Variants in ABCG2 observed in about 807,000 individuals in gnomAD.
The protein encoded by ABCG2 is ATP binding cassette subfamily G member 2 (JR blood group), also known as broad substrate specificity ATP-binding cassette transporter ABCG2.
Under a neutral mutation model 73.5 loss-of-function variants are expected in ABCG2, and 80 were observed. The observed-to-expected ratio is 1.09, with a 90% CI of 0.91 to 1.31. ABCG2 has a LOEUF of 1.31. ABCG2 is among the 50% of genes most tolerant of loss of function. The pLI is 0.00. For synonymous variants in ABCG2, 269 were observed against 282.4 expected (o/e 0.95, Z 0.48); for missense variants, 796 against 786.2 (o/e 1.01, Z -0.15).
intron 1 of ABCG2, among the ~76,000 whole-genome samples, chr4:88,156,246 G>A (rs1578240891): frequency 6.6e-6 from 1 of 151,604 alleles, no homozygotes; most frequent in East Asian, 1.9e-4. Context: ...GTGGTGCTAC[G>A]TACCTGTAAT....
chr4:88,103,416 G>A (rs1487048175), intron 10 of ABCG2, among the ~76,000 whole-genome samples: 1 of 151,922 alleles, frequency 6.6e-6, no homozygotes, highest in Non-Finnish European at 1.5e-5. Context: ...TCTACTTATT[G>A]GTCTGAATAT....
At chr4:88,176,457 T>C (rs1192832994) in intron 1 of ABCG2, among the ~76,000 whole-genome samples, 1 of 149,914 alleles carries the variant, frequency 6.7e-6, no homozygotes, top group Non-Finnish European at 1.5e-5. Flanking sequence ...ATAAATACAG[T>C]AATGAAACCA....
intron 10 of ABCG2, among the ~76,000 whole-genome samples, chr4:88,103,724 C>T (rs1328180162): frequency 6.6e-6 from 1 of 152,182 alleles, no homozygotes. Flanking sequence ...TCTCTCCATT[C>T]CCCACACACC....
At chr4:88,109,694 T>C (rs1355478565) in intron 9 of ABCG2, among the ~76,000 whole-genome samples, 2 of 152,216 alleles carry the variant, frequency 1.3e-5, no homozygotes, top group African/African-American at 2.4e-5. Context: ...GAAGATGCAT[T>C]ATCAGAGGCC....
chr4:88,176,156 T>G lies in ABCG2; in HGVS notation c.-19-36142A>C, dbSNP rs1481015. ...TGTGTTTAATTATTATGATTATTCT[T>G]GTTTTTTTTTTCTTTTTTTGTGGAG... is the stretch of plus-strand genomic sequence containing the variant. On this transcript the variant is annotated intron_variant, in intron 1 of 15. Coordinates refer to the ABCG2 transcript ENST00000515655. 6.5e-4 allele frequency among the ~76,000 whole-genome samples: 98 copies of G among 150,934 alleles called. 1 individual carries two copies. Among genetic ancestry groups the G allele is most frequent in the African/African-American group, 2.2e-3 (88 of 40,896 alleles).
chr4:88,106,662 A>T (rs1021120942), intron 10 of ABCG2, among the ~76,000 whole-genome samples: 1 of 152,216 alleles, frequency 6.6e-6, no homozygotes, highest in African/African-American at 2.4e-5. Flanking sequence ...ATTCCACTTG[A>T]GAAGACAAAA....
At chr4:88,210,793 C>T (rs531227198) in intron 1 of ABCG2, among the ~76,000 whole-genome samples, 4 of 152,052 alleles carry the variant, frequency 2.6e-5, no homozygotes, top group Non-Finnish European at 5.9e-5. Context: ...TTGTTGCCCA[C>T]ACTGGTCTCG....
chr4:88,099,230 T>C, intron 12 of ABCG2, 94 bp downstream of exon 12: 1 of 1,288,102 alleles, frequency 7.8e-7, no homozygotes, highest in South Asian at 1.9e-5. Context: ...TGGTTTATAG[T>C]TTTGAGAACC....
rs1424368614 is a variant in ABCG2 at position 88,091,269 on chromosome 4, A to C, written c.*965T>G. On this transcript the variant is annotated 3_prime_UTR_variant, in exon 16 of 16. Transcript: ENST00000237612. ...CTTCAACTAAAAAAATAAAATTAAA[A>C]CATTTCCCTATTACTGATGAAGGTT... is the stretch of plus-strand genomic sequence containing the variant. 6.6e-6 allele frequency: 1 copy of C among 152,230 alleles called. No homozygotes were observed. Among genetic ancestry groups the C allele is most frequent in the Non-Finnish European group, 1.5e-5 (1 of 68,036 alleles). The allele number at this position is 152,230 out of a possible 1,614,324, so 9.4% of individuals were successfully genotyped here.
At chr4:88,197,283 G>A (rs1728975991) in intron 1 of ABCG2, among the ~76,000 whole-genome samples, 1 of 151,804 alleles carries the variant, frequency 6.6e-6, no homozygotes, top group African/African-American at 2.4e-5. Flanking sequence ...ATTTTAGGAA[G>A]GGTAGAATTA....
intron 7 of ABCG2, among the ~76,000 whole-genome samples, chr4:88,115,941 T>C (rs1376803355): frequency 2.0e-5 from 3 of 152,248 alleles, no homozygotes; most frequent in Non-Finnish European, 4.4e-5. Flanking sequence ...ACATCTGTAA[T>C]ACTAGCACTT....
At chr4:88,189,486 C>G (rs1294742653) in intron 1 of ABCG2, among the ~76,000 whole-genome samples, 1 of 151,494 alleles carries the variant, frequency 6.6e-6, no homozygotes, top group Non-Finnish European at 1.5e-5. Context: ...TGTACTCTAG[C>G]CTGGGCAACA....
At chr4:88,100,156 G>C (rs1722292712) in intron 11 of ABCG2, among the ~76,000 whole-genome samples, 1 of 150,382 alleles carries the variant, frequency 6.6e-6, no homozygotes, top group South Asian at 2.1e-4. Context: ...ACCCAGCCTG[G>C]GAAACATAGT....
At chr4:88,220,226 T>A (rs1269924764) in intron 1 of ABCG2, among the ~76,000 whole-genome samples, 1 of 152,250 alleles carries the variant, frequency 6.6e-6, no homozygotes, top group Non-Finnish European at 1.5e-5. Flanking sequence ...CAACAGTTGA[T>A]GAACATTAGG....
chr4:88,161,947 T>C (rs1032155642), upstream of ABCG2, among the ~76,000 whole-genome samples: 1 of 149,374 alleles, frequency 6.7e-6, no homozygotes, highest in Admixed American at 6.8e-5. Flanking sequence ...TCTTCATGTG[T>C]TTTTTGGCTG....
At position 88,113,499 on chromosome 4, in the gene ABCG2, G is replaced by T; in HGVS notation, c.998C>A (p.Ala333Glu). 1 of 1,613,964 alleles carries T rather than the reference G, an allele frequency of 6.2e-7. No individual in the cohort carries two copies. Among genetic ancestry groups the T allele is most frequent in the African/African-American group, 1.3e-5 (1 of 74,966 alleles). The change falls in exon 9 of 16, where the codon GCG becomes GAG. Residue 333 changes from alanine (A) to glutamate (E), a missense_variant. Physicochemically the swap from Ala to Glu is moderately radical, Grantham distance 107. Coordinates refer to ENST00000237612, the MANE Select transcript of ABCG2 (RefSeq NM_004827.3). Reference protein sequence around the residue: ...KQDKPLIEKLAEIYVNSSFYK... With the variant: ...KQDKPLIEKLEEIYVNSSFYK... ...GAAGGAGGAGTTGACATAAATCTCC[G>T]CTAATTTTTCTATGAGTGGCTTATC...
chr4:88,224,588 C>T (rs1281779574), intron 1 of ABCG2, among the ~76,000 whole-genome samples: 1 of 152,062 alleles, frequency 6.6e-6, no homozygotes, highest in Non-Finnish European at 1.5e-5. Context: ...ACTTCCTGGG[C>T]TCAAGCAATC....
At chr4:88,189,840 C>T (rs964396700) in intron 1 of ABCG2, among the ~76,000 whole-genome samples, 5 of 152,194 alleles carry the variant, frequency 3.3e-5, no homozygotes, top group African/African-American at 9.7e-5. Flanking sequence ...AGTTTGATGG[C>T]ACCATTGATA....
chr4:88,183,020 G>A (rs1464974900), intron 1 of ABCG2, among the ~76,000 whole-genome samples: 3 of 149,730 alleles, frequency 2.0e-5, no homozygotes, highest in Non-Finnish European at 4.4e-5. Flanking sequence ...AGGAGGTGGA[G>A]GTTGCAGTGA....
Sources: allele counts gnomAD v4.1 joint callset (sites outside exome capture counted in the v4.1 genomes callset), GRCh38; gene constraint gnomAD v4.1.1; transcripts MANE v1.5; gene names NCBI Gene and HGNC (gene_info 2026-07-23, HGNC 2026-07-21).